Variants in ARHGEF4 observed in about 807,000 individuals in gnomAD.
The protein encoded by ARHGEF4 is APC-stimulated guanine nucleotide exchange factor 1.
A neutral mutation model predicts 162.0 loss-of-function variants in ARHGEF4; 119 were observed. That is an observed-to-expected ratio of 0.73 (90% CI 0.63 to 0.86). ARHGEF4 has a LOEUF of 0.86. Among genes scored for constraint, ARHGEF4 ranks in the 40% least tolerant of loss-of-function variants. The probability of loss-of-function intolerance (pLI) is 0.00; values close to 1 mark genes in which losing one functional copy is unlikely to be tolerated. For synonymous variants in ARHGEF4, 1,014 were observed against 979.9 expected, an observed-to-expected ratio of 1.03 and a Z score of -0.65; for missense variants, 2,488 against 2,456.0, an observed-to-expected ratio of 1.01 and a Z score of -0.28.
intron 2 of ARHGEF4, among the ~76,000 whole-genome samples, chr2:130,923,005 A>G (rs1358223616): frequency 4.6e-5 from 7 of 151,784 alleles, no homozygotes; most frequent in African/African-American, 1.7e-4. Context: ...ATCTTGGCTC[A>G]GTGCAACTTC....
chr2:131,046,258 C>A lies in ARHGEF4; in HGVS notation c.*69C>A, dbSNP rs963351943. On this transcript the variant is annotated 3_prime_UTR_variant, in exon 14 of 14. Coordinates refer to ENST00000409359, the MANE Select transcript of ARHGEF4 (RefSeq NM_001367493.1). ...GGCCCCCAGTTTTTCTTCCCCGAGG[C>A]CCACTCGGCCTGGCCTTCCTCTGCC... The A allele has an allele frequency of 3.4e-5, 50 of 1,484,962 alleles. No homozygotes were observed. In the South Asian group the frequency reaches 6.1e-4, roughly 18 times the overall value. The allele number at this position is 1,484,962 out of a possible 1,614,324, so 92.0% of individuals were successfully genotyped here. A position where few individuals can be genotyped will look rare whatever the true frequency, so the allele number is the denominator to read the frequency against.
At chr2:130,937,641 C>G (rs1369680842) in intron 3 of ARHGEF4, among the ~76,000 whole-genome samples, 1 of 151,120 alleles carries the variant, frequency 6.6e-6, no homozygotes, top group Non-Finnish European at 1.5e-5. Context: ...CCTGAGTGGG[C>G]CATACTTTCT....
At chr2:130,933,691 A>G (rs1367934591) in intron 3 of ARHGEF4, among the ~76,000 whole-genome samples, 1 of 152,220 alleles carries the variant, frequency 6.6e-6, no homozygotes, top group African/African-American at 2.4e-5. Context: ...TGATGACATC[A>G]TAAATGGAAA....
intron 5 of ARHGEF4, among the ~76,000 whole-genome samples, chr2:131,032,914 A>G (rs10928504): frequency 0.93 from 134,823 of 144,808 alleles, 62,938 homozygotes; most frequent in Non-Finnish European, 0.97. Context: ...GTACAGAAGC[A>G]TAATCTTGGC....
intron 4 of ARHGEF4, among the ~76,000 whole-genome samples, chr2:130,978,826 T>TA (rs538079114): frequency 1.3e-5 from 2 of 151,708 alleles, no homozygotes; most frequent in African/African-American, 2.4e-5. Flanking sequence ...ACAAAAGCCA[T>TA]AAAAAAAATT....
At chr2:130,927,906 C>CTGTTT (rs1328950226) in intron 2 of ARHGEF4, among the ~76,000 whole-genome samples, 1 of 152,080 alleles carries the variant, frequency 6.6e-6, no homozygotes, top group African/African-American at 2.4e-5. Flanking sequence ...TGGAAGTTTC[C>CTGTTT]TGTTTTGTTT....
chr2:130,916,347 A>G lies in ARHGEF4; in HGVS notation c.2401A>G (p.Arg801Gly). ...GACGTTTTCCAAGGTGACCTCCTTC[A>G]GGAAGGGCAGGCCCTTGGCCACTGA... ...RPTFSKVTSF[R>G]KGRPLATESP... is the part of the protein sequence containing the mutation. The change falls in exon 2 of 14, where the codon AGG (arginine) becomes GGG (glycine). Residue 801 changes from arginine to glycine, a missense_variant. Physicochemically the swap from Arg to Gly is moderately radical, Grantham distance 125. Coordinates refer to ENST00000409359, the MANE Select transcript of ARHGEF4 (RefSeq NM_001367493.1). 3.9e-6 allele frequency: 6 copies of G among 1,542,972 alleles called. No homozygotes were observed. Among genetic ancestry groups the G allele is most frequent in the Non-Finnish European group, 5.2e-6 (6 of 1,145,420 alleles).
In ARHGEF4 at chr2:130,884,813, G is replaced by A. The variant is rs186957053; in HGVS notation, c.40-29173G>A. Reference sequence around the variant, plus strand: ...CTGGTGGCCCTTGAGGCCGGACCCTGCTGCCTCCTGGAATCATACGCCATA... The same window carrying A: ...CTGGTGGCCCTTGAGGCCGGACCCTACTGCCTCCTGGAATCATACGCCATA... On this transcript the variant is annotated intron_variant, in intron 1 of 13. Coordinates refer to ENST00000409359, the MANE Select transcript of ARHGEF4 (RefSeq NM_001367493.1). 6.7e-4 allele frequency among the ~76,000 whole-genome samples: 102 copies of A among 151,982 alleles called. 1 individual carries two copies. Among genetic ancestry groups the A allele is most frequent in the Non-Finnish European group, 1.3e-3 (86 of 68,018 alleles).
At chr2:130,972,773 A>G (rs1685449282) in intron 4 of ARHGEF4, among the ~76,000 whole-genome samples, 1 of 152,252 alleles carries the variant, frequency 6.6e-6, no homozygotes, top group African/African-American at 2.4e-5. Context: ...CTGAGAGCTC[A>G]TACTAAGGAT....
intron 1 of ARHGEF4, among the ~76,000 whole-genome samples, chr2:130,885,273 G>T (rs1463678343): frequency 6.6e-6 from 1 of 152,100 alleles, no homozygotes; most frequent in Non-Finnish European, 1.5e-5. Context: ...CAACAGGGTT[G>T]AATACAGGAT....
In ARHGEF4 at chr2:130,978,230, G is replaced by A. The variant is rs552568894; in HGVS notation, c.3985+31595G>A. On this transcript the variant is annotated intron_variant, in intron 4 of 13. Coordinates refer to ENST00000409359, the MANE Select transcript of ARHGEF4 (RefSeq NM_001367493.1). ...CAGTTCCACAATCATGAGGAATCTC[G>A]TCATTGATCTTTCTGGCTGCTTCAT... 1.6e-4 allele frequency among the ~76,000 whole-genome samples: 24 copies of A among 152,282 alleles called. 1 individual carries two copies. In the South Asian group the frequency reaches 1.7e-3, roughly 11 times the overall value.
intron 5 of ARHGEF4, among the ~76,000 whole-genome samples, chr2:131,033,770 C>T (rs1690031073): frequency 6.6e-6 from 1 of 152,110 alleles, no homozygotes; most frequent in South Asian, 2.1e-4. Flanking sequence ...GCGGATGGGC[C>T]CAGGCTGAAC....
chr2:130,901,666 G>A (rs528446890), intron 1 of ARHGEF4, among the ~76,000 whole-genome samples: 4 of 152,012 alleles, frequency 2.6e-5, no homozygotes, highest in Non-Finnish European at 5.9e-5. Flanking sequence ...GACTACAGGC[G>A]CCTGCCACCA....
intron 1 of ARHGEF4, among the ~76,000 whole-genome samples, chr2:130,850,190 G>A (rs188907127): frequency 4.6e-5 from 7 of 152,292 alleles, no homozygotes; most frequent in African/African-American, 1.7e-4. Flanking sequence ...TTGGGCCAGT[G>A]CCCCAGGGAG....
At chr2:130,968,477 A>G (rs936451113) in intron 4 of ARHGEF4, among the ~76,000 whole-genome samples, 19 of 152,348 alleles carry the variant, frequency 1.2e-4, no homozygotes, top group African/African-American at 4.3e-4. Context: ...AGAAGGATGT[A>G]GGAAGGAAGG....
intron 4 of ARHGEF4, chr2:130,947,053 A>G (rs575971307): frequency 6.2e-6 from 1 of 161,612 alleles, no homozygotes; most frequent in Admixed American, 6.1e-5. Flanking sequence ...CAGCATGGAG[A>G]AACCCCATCT....
At chr2:130,868,352 G>C (rs936730537) in intron 1 of ARHGEF4, among the ~76,000 whole-genome samples, 4 of 151,718 alleles carry the variant, frequency 2.6e-5, no homozygotes, top group South Asian at 2.1e-4. Context: ...GCAGCAGACA[G>C]TCACCCAGCT....
Position 130,837,359 on chromosome 2 carries a change from C to T in ARHGEF4, c.39+367C>T, listed in dbSNP as rs11892616. 7.3e-3 allele frequency: 2,465 copies of T among 335,804 alleles called. 50 individuals carry two copies. Among genetic ancestry groups the T allele is most frequent in the African/African-American group, 0.052 (2,266 of 43,850 alleles). 20.8% of individuals were successfully genotyped at this position (335,804 alleles called of 1,614,324 possible). On this transcript the variant is annotated intron_variant, in intron 1 of 13. Coordinates refer to ENST00000409359, the MANE Select transcript of ARHGEF4 (RefSeq NM_001367493.1). ...CCTGGACCGGCCTGGGCGCGCAGGG[C>T]ACTCGGAGCCTCTGCCGCTTGGCGC...
chr2:131,033,199 A>G (rs933898931), intron 5 of ARHGEF4, among the ~76,000 whole-genome samples: 2 of 152,174 alleles, frequency 1.3e-5, no homozygotes, highest in Non-Finnish European at 2.9e-5. Flanking sequence ...AAACTCACAT[A>G]GGAAAGCTGT....
Sources: allele counts gnomAD v4.1 joint callset (sites outside exome capture counted in the v4.1 genomes callset), GRCh38; gene constraint gnomAD v4.1.1; transcripts MANE v1.5; gene names NCBI Gene and HGNC (gene_info 2026-07-23, HGNC 2026-07-21).